Variants in ANKFN1 observed in about 807,000 individuals in gnomAD.
ANKFN1 encodes the protein ankyrin repeat and fibronectin type III domain containing 1.
A neutral mutation model predicts 108.7 loss-of-function variants in ANKFN1; 74 were observed. That is an observed-to-expected ratio of 0.68 (90% CI 0.56 to 0.83). ANKFN1 has a LOEUF of 0.83. ANKFN1 is among the 40% of genes least tolerant of loss of function. ANKFN1 has a pLI of 0.00. For missense variants in ANKFN1, 1,505 were observed against 1,382.3 expected (o/e 1.09, Z -1.41); for synonymous variants, 547 against 516.2 (o/e 1.06, Z -0.81).
intron 3 of ANKFN1, among the ~76,000 whole-genome samples, chr17:56,241,420 C>A (rs1917572416): frequency 6.6e-6 from 1 of 152,144 alleles, no homozygotes; most frequent in African/African-American, 2.4e-5. Context: ...ATGATTTCCC[C>A]ATGGAATTGC....
chr17:56,500,102 C>G (rs146642655), intron 20 of ANKFN1, among the ~76,000 whole-genome samples: 347 of 152,310 alleles, frequency 2.3e-3, no homozygotes, highest in Middle Eastern at 0.014. Flanking sequence ...ATCTGACACT[C>G]AGTTTCCATG....
chr17:56,090,639 C>G (rs1246395482), intron 4 of ANKFN1, among the ~76,000 whole-genome samples: 1 of 151,232 alleles, frequency 6.6e-6, no homozygotes, highest in East Asian at 1.9e-4. Context: ...TGGGGTCTCA[C>G]TCTGTTGCCC....
chr17:56,353,954 AG>A lies in ANKFN1; in HGVS notation c.512del (p.Gly171AlafsTer2). 1 of 1,614,020 alleles carries A rather than the reference AG, an allele frequency of 6.2e-7. No individual in the cohort carries two copies. Among genetic ancestry groups the A allele is most frequent in the South Asian group, 1.1e-5 (1 of 91,082 alleles). On this transcript the variant is annotated frameshift_variant, in exon 6 of 21. Coordinates refer to ENST00000682825, the MANE Select transcript of ANKFN1 (RefSeq NM_001370326.1). LOFTEE classifies it high-confidence loss of function. ...CTTGACCTCAACACACCTAACAGCG[AG>A]GGCTTGACACCCCTGGATATTGCCA... ...EELDLNTPNS[E>X]GLTPLDIAIM...
At chr17:56,392,879 C>T (rs988869489) in intron 8 of ANKFN1, among the ~76,000 whole-genome samples, 5 of 152,094 alleles carry the variant, frequency 3.3e-5, no homozygotes, top group South Asian at 2.1e-4. Flanking sequence ...TTATATGCCT[C>T]GCATTGTGCC....
chr17:56,187,995 G>A (rs544239094), intron 1 of ANKFN1, among the ~76,000 whole-genome samples: 42 of 152,080 alleles, frequency 2.8e-4, no homozygotes, highest in Non-Finnish European at 5.0e-4. Context: ...ACAAGTTAAC[G>A]GGTGCAGCAC....
chr17:56,503,905 C>T (rs2051466003), intron 20 of ANKFN1, among the ~76,000 whole-genome samples: 5 of 152,198 alleles, frequency 3.3e-5, no homozygotes, highest in Admixed American at 2.0e-4. Flanking sequence ...AATTGAGGAG[C>T]ATAAGCAAGT....
chr17:56,429,108 T>G (rs1185406774), intron 8 of ANKFN1, among the ~76,000 whole-genome samples: 1 of 152,178 alleles, frequency 6.6e-6, no homozygotes, highest in Non-Finnish European at 1.5e-5. Flanking sequence ...TAAAAACAGA[T>G]GAGCCCATGG....
intron 4 of ANKFN1, among the ~76,000 whole-genome samples, chr17:56,092,266 A>ATTTTTTTTTTTTTTTTTT (rs748898792): frequency 6.3e-5 from 7 of 111,374 alleles, no homozygotes; most frequent in African/African-American, 2.4e-4. Flanking sequence ...GTGAGGTAGT[A>ATTTTTTTTTTTTTTTTTT]TTTTTTTTTT....
chr17:56,467,264 GTATT>G (rs771593407), intron 15 of ANKFN1, among the ~76,000 whole-genome samples: 2 of 152,114 alleles, frequency 1.3e-5, no homozygotes, highest in Non-Finnish European at 2.9e-5. Context: ...GCATGTGTGT[GTATT>G]TGAGTGTGTG....
upstream of ANKFN1, among the ~76,000 whole-genome samples, chr17:56,150,778 C>T (rs537351869): frequency 2.0e-4 from 30 of 152,158 alleles, no homozygotes; most frequent in African/African-American, 7.2e-4. Flanking sequence ...CATGATGTCT[C>T]GCTTATCACT....
At chr17:56,233,574 C>T (rs1444047273) in intron 3 of ANKFN1, among the ~76,000 whole-genome samples, 1 of 151,934 alleles carries the variant, frequency 6.6e-6, no homozygotes, top group Non-Finnish European at 1.5e-5. Context: ...TCACTTACCT[C>T]TTCTCTCCTA....
chr17:56,231,716 G>A (rs751590688), intron 3 of ANKFN1, among the ~76,000 whole-genome samples: 2 of 152,106 alleles, frequency 1.3e-5, no homozygotes, highest in Non-Finnish European at 2.9e-5. Context: ...CTTCTAAAAG[G>A]ACAATAAAGG....
chr17:56,265,938 T>C (rs959111539), intron 3 of ANKFN1, among the ~76,000 whole-genome samples: 10 of 152,166 alleles, frequency 6.6e-5, no homozygotes, highest in African/African-American at 2.2e-4. Flanking sequence ...GCTTACTCTA[T>C]TGGCAAAGTA....
intron 2 of ANKFN1, among the ~76,000 whole-genome samples, chr17:56,223,961 A>G (rs898669929): frequency 6.6e-6 from 1 of 152,240 alleles, no homozygotes. Context: ...TTACAGTTGA[A>G]GGCCTTGAGA....
chr17:56,064,421 C>A (rs1236581916), intron 4 of ANKFN1, among the ~76,000 whole-genome samples: 1 of 152,194 alleles, frequency 6.6e-6, no homozygotes, highest in African/African-American at 2.4e-5. Context: ...GTCCCTGAGC[C>A]TCTGGCTGGA....
Position 56,513,657 on chromosome 17 carries a change from A to T in ANKFN1, c.*2388A>T, listed in dbSNP as rs1351498882. ...CACCCTTCTGACCCCTCATTTGGTC[A>T]GTAAGTTCTGGCATACTGGACCAAA... On this transcript the variant is annotated 3_prime_UTR_variant, in exon 21 of 21. Coordinates refer to ENST00000682825, the MANE Select transcript of ANKFN1 (RefSeq NM_001370326.1). 2.0e-5 allele frequency among the ~76,000 whole-genome samples: 3 copies of T among 152,232 alleles called. No individual in the cohort carries two copies. Among genetic ancestry groups the T allele is most frequent in the Non-Finnish European group, 4.4e-5 (3 of 68,038 alleles).
chr17:56,483,076 A>G (rs2050763161), intron 18 of ANKFN1, among the ~76,000 whole-genome samples: 2 of 152,192 alleles, frequency 1.3e-5, no homozygotes, highest in Non-Finnish European at 2.9e-5. Context: ...TTTCTGACAG[A>G]CCATTTGAGA....
rs1917224998 is a variant in ANKFN1, at chr17:56,237,286, G to A, written c.53+9329G>A. ...ATGCTGGCCTCATAGAATGAGGTGGGGAAGAATTAGTTCCCTCTTCAATTT... is the reference window on the plus strand; with the variant it reads ...ATGCTGGCCTCATAGAATGAGGTGGAGAAGAATTAGTTCCCTCTTCAATTT... On this transcript the variant is annotated intron_variant, in intron 3 of 20. Coordinates refer to ENST00000682825, the MANE Select transcript of ANKFN1 (RefSeq NM_001370326.1). Among the ~76,000 whole-genome samples, 4 of 152,262 alleles carry A rather than the reference G, an allele frequency of 2.6e-5. No individual in the cohort carries two copies. The South Asian group carries it at 8.3e-4, about 32-fold the overall frequency.
At chr17:56,093,383 G>C (rs1489898343) in intron 4 of ANKFN1, among the ~76,000 whole-genome samples, 1 of 151,194 alleles carries the variant, frequency 6.6e-6, no homozygotes, top group East Asian at 1.9e-4. Context: ...TTCTGCCGTA[G>C]TGCTTGTTTT....
Sources: gnomAD v4.1 joint callset for allele counts (sites outside exome capture counted in the v4.1 genomes callset) on GRCh38, gnomAD v4.1.1 for gene constraint, MANE v1.5 for transcripts, NCBI Gene and HGNC (gene_info 2026-07-23, HGNC 2026-07-21) for gene names.